Variants in COQ8A observed in about 807,000 individuals in gnomAD.
COQ8A encodes atypical kinase COQ8A, mitochondrial.
A neutral mutation model predicts 65.0 loss-of-function variants in COQ8A; 51 were observed. That is an observed-to-expected ratio of 0.78 (90% CI 0.63 to 0.99). The LOEUF (loss-of-function observed/expected upper bound fraction) is 0.99. Ranked by LOEUF, COQ8A falls within the 50% of genes least tolerant of loss-of-function variation. The pLI is 0.00. For missense variants in COQ8A, 940 were observed against 875.0 expected, an observed-to-expected ratio of 1.07 and a Z score of -0.94; for synonymous variants, 371 against 353.2, an observed-to-expected ratio of 1.05 and a Z score of -0.57.
In COQ8A at chr1:226,961,564, T is replaced by A; in HGVS notation, c.177+2T>A. ...GGCATGTTCTTGGGGAAGGTGCAGG[T>A]AAGGGGGCCTGGCAGTGGGAGGGGT... On this transcript the variant is annotated splice_donor_variant, in intron 2 of 14. Coordinates refer to ENST00000366777, the MANE Select transcript of COQ8A (RefSeq NM_020247.5). LOFTEE classifies it high-confidence loss of function. 1.2e-6 allele frequency: 2 copies of A among 1,607,344 alleles called. No homozygotes were observed. The highest frequency in any genetic ancestry group is 1.7e-6 in the Non-Finnish European group (2 of 1,175,030).
At position 226,978,883 on chromosome 1, in the gene COQ8A, CCCA is replaced by C. The variant is rs1440809807; in HGVS notation, c.730+1364_730+1366del. 3.2e-5 allele frequency among the ~76,000 whole-genome samples: 4 copies of C among 126,626 alleles called. 2 individuals carry two copies. The highest frequency in any genetic ancestry group is 7.3e-5 in the Non-Finnish European group (4 of 54,524). The allele number at this position is 126,626 out of a possible 152,430, so 83.1% of individuals were successfully genotyped here. A position where few individuals can be genotyped will look rare whatever the true frequency, so the allele number is the denominator to read the frequency against. On this transcript the variant is annotated intron_variant, in intron 5 of 14. Coordinates refer to ENST00000366777, the MANE Select transcript of COQ8A (RefSeq NM_020247.5). ...CACCACCTTACACACCCTCCACACA[CCCA>C]CCAATCACCCACTGAACACTGCACC...
rs928111513 is a variant in COQ8A, at chr1:226,980,504, C to T, written c.731-1523C>T. Reference sequence around the variant, plus strand: ...CCCTCCCCAGGGACCCAGGCCCAAGCCCCCAGCCCACAAGTACCACAGGCC... The same window carrying T: ...CCCTCCCCAGGGACCCAGGCCCAAGTCCCCAGCCCACAAGTACCACAGGCC... On this transcript the variant is annotated intron_variant, in intron 5 of 14. Transcript: ENST00000366777. Among the ~76,000 whole-genome samples, 18 of 152,214 alleles carry T rather than the reference C, an allele frequency of 1.2e-4. No homozygotes were observed. The South Asian group carries it at 3.7e-3, about 32-fold the overall frequency.
chr1:226,982,488 C>A, intron 6 of COQ8A, 190 bp from the exon 7 acceptor site: 2 of 711,314 alleles, frequency 2.8e-6, no homozygotes, highest in Non-Finnish European at 2.5e-6. Context: ...GGTCACTGGG[C>A]GGAGGCTGGG....
Position 226,985,358 on chromosome 1 carries a change from G to A in COQ8A, c.1659+18G>A, listed in dbSNP as rs778795582. Reference sequence around the variant, plus strand: ...AGGTCAAGGTGAGCAGGGTTGCGGGGGATCCCCTGGGCCTGCTGACCCAGG... The same window carrying A: ...AGGTCAAGGTGAGCAGGGTTGCGGGAGATCCCCTGGGCCTGCTGACCCAGG... On this transcript the variant is annotated intron_variant, in intron 14 of 14. Transcript: ENST00000366777. 5.6e-6 allele frequency: 9 copies of A among 1,612,204 alleles called. No individual in the cohort carries two copies. The Middle Eastern group carries it at 4.9e-4, about 88-fold the overall frequency.
chr1:226,979,092 C>G (rs1659536646), intron 5 of COQ8A, among the ~76,000 whole-genome samples: 1 of 152,242 alleles, frequency 6.6e-6, no homozygotes, highest in Admixed American at 6.5e-5. Flanking sequence ...CTTCTCCTCA[C>G]CAGCTTAGTA....
chr1:226,950,388 C>A (rs1467225137), intron 1 of COQ8A, among the ~76,000 whole-genome samples: 1 of 152,184 alleles, frequency 6.6e-6, no homozygotes, highest in Non-Finnish European at 1.5e-5. Context: ...CCTGGGACAT[C>A]AAAAACACAC....
At position 226,984,213 on chromosome 1, in the gene COQ8A, T is replaced by C. The variant is rs1433323183; in HGVS notation, c.1376T>C (p.Leu459Pro). Residue 459 changes from leucine to proline, a missense_variant, in exon 11 of 15, where the codon CTC becomes CCC. Physicochemically the swap from Leu to Pro is moderately conservative, Grantham distance 98. Coordinates refer to ENST00000366777, the MANE Select transcript of COQ8A (RefSeq NM_020247.5). ...TTCCCCCTGGACCAGGCCGAAGGGC[T>C]CAGCCAGGAGATTCGGAACGAGGTT... ...SGFPLDQAEG[L>P]SQEIRNEICY... 2 of 1,613,770 alleles carry C rather than the reference T, an allele frequency of 1.2e-6. No homozygotes were observed. Among genetic ancestry groups the C allele is most frequent in the Middle Eastern group, 1.7e-4 (1 of 6,060 alleles).
intron 13 of COQ8A, 38 bp downstream of exon 13, chr1:226,984,979 T>C (rs1290918871): frequency 1.2e-6 from 2 of 1,610,706 alleles, no homozygotes; most frequent in Admixed American, 1.7e-5. Context: ...TCCATGTTTT[T>C]CTGAGGCTGG....
rs760682583 is a variant in COQ8A, at chr1:226,977,456, C to T, written c.663C>T (p.Ala221=). The change falls in exon 5 of 15, where the codon GCC becomes GCT. Residue 221 remains alanine (A), a synonymous_variant. Transcript: ENST00000366777. ...GCCCCCTCCTCCTTGCAGGTCTGGCCGTGGGCCTGGGCTTCGGGGCACTGG... is the reference window on the plus strand; with the variant it reads ...GCCCCCTCCTCCTTGCAGGTCTGGCTGTGGGCCTGGGCTTCGGGGCACTGG... ...IGRLANFGGL[A]VGLGFGALAE... 28 of 1,563,730 alleles carry T rather than the reference C, an allele frequency of 1.8e-5. No homozygotes were observed. Among genetic ancestry groups the T allele is most frequent in the Middle Eastern group, 1.7e-4 (1 of 5,880 alleles).
At position 226,984,909 on chromosome 1, in the gene COQ8A, T is replaced by C. The variant is rs1659985134; in HGVS notation, c.1540T>C (p.Tyr514His). The C allele has an allele frequency of 1.2e-6, 2 of 1,613,856 alleles. No homozygotes were observed. The highest frequency in any genetic ancestry group is 2.7e-5 in the African/African-American group (2 of 74,826). ...ALLDFGATRE[Y>H]DRSFTDLYIQ... ...TTTGGATTTTGGGGCAACGCGGGAA[T>C]ATGACAGATCCTTCACCGACCTCTA... The change falls in exon 13 of 15, where the codon TAT becomes CAT. Residue 514 changes from tyrosine to histidine, a missense_variant. By Grantham distance (83) the Tyr-to-His change is moderately conservative. Coordinates refer to ENST00000366777, the MANE Select transcript of COQ8A (RefSeq NM_020247.5).
intron 8 of COQ8A, 126 bp from the exon 9 acceptor site, chr1:226,983,426 G>A: frequency 2.2e-6 from 2 of 902,524 alleles, no homozygotes. Flanking sequence ...CTTAGCTCTG[G>A]TTCTCCAGGG....
chr1:226,968,509 A>G (rs987380387), intron 4 of COQ8A, among the ~76,000 whole-genome samples: 1 of 152,184 alleles, frequency 6.6e-6, no homozygotes, highest in African/African-American at 2.4e-5. Context: ...GTCATCATCC[A>G]AACAGTTTGT....
Position 226,965,202 on chromosome 1 carries a change from A to G in COQ8A, c.380A>G (p.Glu127Gly). ...PAYVASGPFR[E>G]AGFPGQASSP... ...TACGTGGCCAGTGGACCCTTTAGAG[A>G]AGCCGGGTTCCCCGGCCAGGCCTCC... Residue 127 changes from glutamate to glycine, a missense_variant, in exon 3 of 15, where the codon GAA becomes GGA. Transcript: ENST00000366777. The G allele has an allele frequency of 1.2e-6, 2 of 1,613,558 alleles. No individual in the cohort carries two copies. The highest frequency in any genetic ancestry group is 1.3e-5 in the African/African-American group (1 of 75,038).
chr1:226,976,326 G>A (rs1244571064), intron 4 of COQ8A, among the ~76,000 whole-genome samples: 1 of 150,288 alleles, frequency 6.7e-6, no homozygotes, highest in Admixed American at 6.6e-5. Context: ...TTGCCGGGCT[G>A]CGGGGCTGCG....
chr1:226,974,666 G>C (rs1412815885), intron 4 of COQ8A, among the ~76,000 whole-genome samples: 1 of 152,212 alleles, frequency 6.6e-6, no homozygotes, highest in East Asian at 1.9e-4. Context: ...GCAGGAGCTC[G>C]TGAGGCCAAG....
chr1:226,960,652 G>A (rs1159171469), intron 1 of COQ8A, among the ~76,000 whole-genome samples: 2 of 151,746 alleles, frequency 1.3e-5, no homozygotes, highest in Non-Finnish European at 2.9e-5. Context: ...AGTGGTGCTT[G>A]GTGGTGGTGG....
At chr1:226,967,239 G>T (rs1658623896) in intron 4 of COQ8A, among the ~76,000 whole-genome samples, 1 of 152,182 alleles carries the variant, frequency 6.6e-6, no homozygotes. Flanking sequence ...TGGGTAACAT[G>T]TATTATTTCT....
intron 4 of COQ8A, among the ~76,000 whole-genome samples, chr1:226,976,042 T>C (rs1268632878): frequency 1.3e-5 from 2 of 151,312 alleles, no homozygotes; most frequent in African/African-American, 2.4e-5. Context: ...CCTGCTGCGA[T>C]GTTGCCTGGC....
rs959109094 is a variant in COQ8A, at chr1:226,982,146, C to G, written c.850C>G (p.Gln284Glu). 7 of 1,591,382 alleles carry G rather than the reference C, an allele frequency of 4.4e-6. No individual in the cohort carries two copies. Among genetic ancestry groups the G allele is most frequent in the South Asian group, 1.1e-5 (1 of 88,046 alleles). Residue 284 changes from glutamine (Q) to glutamate (E), a missense_variant, in exon 6 of 15, where the codon CAG becomes GAG. Transcript: ENST00000366777. ...ALKLGQMLSI[Q>E]DDAFINPHLA... Reference sequence around the variant, plus strand: ...CAAGCTGGGCCAGATGCTGAGCATCCAGGGTGAGTGGGCGCGGGGGCTGCT... The same window carrying G: ...CAAGCTGGGCCAGATGCTGAGCATCGAGGGTGAGTGGGCGCGGGGGCTGCT...
Sources: allele counts gnomAD v4.1 joint callset (sites outside exome capture counted in the v4.1 genomes callset), GRCh38; gene constraint gnomAD v4.1.1; transcripts MANE v1.5; gene names NCBI Gene and HGNC (gene_info 2026-07-23, HGNC 2026-07-21).